Variants in OXSR1 observed in about 807,000 individuals in gnomAD.
The protein encoded by OXSR1 is oxidative stress responsive kinase 1.
In OXSR1, 24 loss-of-function variants were observed where a neutral mutation model predicts 79.8. That is an observed-to-expected ratio of 0.30 (90% CI 0.22 to 0.42). The LOEUF (loss-of-function observed/expected upper bound fraction) is 0.42, where lower values mean the gene tolerates loss of function less well. Ranked by LOEUF, OXSR1 falls within the 10% of genes least tolerant of loss-of-function variation. The pLI is 1.00. For missense variants in OXSR1, 430 were observed against 618.4 expected, an observed-to-expected ratio of 0.70 and a Z score of 3.23; for synonymous variants, 226 against 209.2, an observed-to-expected ratio of 1.08 and a Z score of -0.69.
intron 10 of OXSR1, among the ~76,000 whole-genome samples, chr3:38,233,927 A>G (rs1283952732): frequency 6.6e-6 from 1 of 152,178 alleles, no homozygotes; most frequent in Non-Finnish European, 1.5e-5. Context: ...AAAAAAAAAA[A>G]AGAGTTTACA....
rs775343417 is a variant in OXSR1 at position 38,165,544 on chromosome 3, GC to G, written c.-332del. On this transcript the variant is annotated 5_prime_UTR_variant, in exon 1 of 18. Transcript: ENST00000311806. ...AGGAAGAGGGGAAAGTTTGGCCCGT[GC>G]GTGGGGCTGGGGTGGAGGGCGGGAC... is the stretch of plus-strand genomic sequence containing the variant. The G allele has an allele frequency of 6.6e-6, 2 of 302,234 alleles. No individual in the cohort carries two copies. Among genetic ancestry groups the G allele is most frequent in the Non-Finnish European group, 1.2e-5 (2 of 160,878 alleles). 18.7% of individuals were successfully genotyped at this position (302,234 alleles called of 1,614,324 possible).
At chr3:38,239,068 C>G (rs959557368) in intron 11 of OXSR1, among the ~76,000 whole-genome samples, 2 of 152,244 alleles carry the variant, frequency 1.3e-5, no homozygotes, top group Middle Eastern at 6.8e-3. Context: ...CTAATCCCAT[C>G]CAGTTCCTGT....
intron 4 of OXSR1, among the ~76,000 whole-genome samples, chr3:38,204,308 G>A (rs1047542944): frequency 6.6e-6 from 1 of 152,102 alleles, no homozygotes; most frequent in Non-Finnish European, 1.5e-5. Flanking sequence ...GGGACCCCAA[G>A]CGCCTGCTTG....
intron 10 of OXSR1, 99 bp from the exon 11 acceptor site, chr3:38,236,740 C>A: frequency 9.3e-7 from 1 of 1,079,308 alleles, no homozygotes; most frequent in Non-Finnish European, 1.3e-6. Context: ...TGATTATCTA[C>A]TTAATGGATT....
chr3:38,167,473 A>G (rs1301707602), intron 1 of OXSR1, among the ~76,000 whole-genome samples: 1 of 152,250 alleles, frequency 6.6e-6, no homozygotes, highest in Non-Finnish European at 1.5e-5. Flanking sequence ...TAGTTTTATA[A>G]CAAAGACCAA....
At chr3:38,181,569 G>A (rs1401267096) in intron 1 of OXSR1, among the ~76,000 whole-genome samples, 1 of 151,984 alleles carries the variant, frequency 6.6e-6, no homozygotes, top group Non-Finnish European at 1.5e-5. Context: ...TGTTGGCCAA[G>A]ATGGTCGCGA....
intron 3 of OXSR1, among the ~76,000 whole-genome samples, chr3:38,192,225 C>G (rs1009994518): frequency 6.6e-6 from 1 of 152,106 alleles, no homozygotes; most frequent in Admixed American, 6.6e-5. Context: ...CAGGGGGAGC[C>G]CTTTTAAAGT....
intron 4 of OXSR1, among the ~76,000 whole-genome samples, chr3:38,209,768 C>T (rs1035248641): frequency 1.3e-4 from 20 of 151,878 alleles, no homozygotes; most frequent in East Asian, 5.8e-4. Flanking sequence ...GGACTACAGG[C>T]GCCTGCCACT....
intron 5 of OXSR1, among the ~76,000 whole-genome samples, chr3:38,219,106 TTA>T (rs1293049160): frequency 6.6e-6 from 1 of 152,188 alleles, no homozygotes; most frequent in East Asian, 1.9e-4. Flanking sequence ...GTTGGATTGA[TTA>T]TGTTTCCTTA....
intron 4 of OXSR1, among the ~76,000 whole-genome samples, chr3:38,201,849 G>A (rs1702171424): frequency 1.3e-5 from 2 of 152,166 alleles, no homozygotes; most frequent in Admixed American, 1.3e-4. Context: ...GGGCAACAGA[G>A]CAAGACTCTG....
chr3:38,252,181 C>G (rs1162091811), intron 16 of OXSR1, 147 bp from the exon 17 acceptor site: 3 of 661,328 alleles, frequency 4.5e-6, no homozygotes, highest in Non-Finnish European at 8.2e-6. Context: ...AAGACACTTT[C>G]ATTAGGGGAG....
In OXSR1 at chr3:38,165,966, AG is replaced by A; in HGVS notation, c.70+26del. Reference sequence around the variant, plus strand: ...TGATCGGTGAGAGCAGGCGCTGCGGAGGGGGGAGGCGCGGCGCTGGGAGGCG... The same window carrying A: ...TGATCGGTGAGAGCAGGCGCTGCGGAGGGGGAGGCGCGGCGCTGGGAGGCG... On this transcript the variant is annotated intron_variant, in intron 1 of 17. Transcript: ENST00000311806. 3.8e-6 allele frequency: 6 copies of A among 1,598,702 alleles called. No homozygotes were observed. Among genetic ancestry groups the A allele is most frequent in the Non-Finnish European group, 5.1e-6 (6 of 1,171,274 alleles).
chr3:38,236,689 T>G, intron 10 of OXSR1, 150 bp from the exon 11 acceptor site: 1 of 615,818 alleles, frequency 1.6e-6, no homozygotes, highest in Non-Finnish European at 2.7e-6. Context: ...CAGGTGATGG[T>G]TGGAGGATAT....
chr3:38,170,622 C>T (rs906047072), intron 1 of OXSR1, among the ~76,000 whole-genome samples: 1 of 152,174 alleles, frequency 6.6e-6, no homozygotes, highest in African/African-American at 2.4e-5. Flanking sequence ...AGAAAGGTAA[C>T]ATGACTGCTT....
At chr3:38,202,092 T>C (rs1032335845) in intron 4 of OXSR1, among the ~76,000 whole-genome samples, 1 of 152,134 alleles carries the variant, frequency 6.6e-6, no homozygotes, top group African/African-American at 2.4e-5. Flanking sequence ...AGTAGAGTAG[T>C]TGAATAGTTA....
chr3:38,166,624 C>T (rs111368537), intron 1 of OXSR1, among the ~76,000 whole-genome samples: 1 of 151,940 alleles, frequency 6.6e-6, no homozygotes, highest in Admixed American at 6.6e-5. Context: ...AACCCCGTCT[C>T]TACTAAAAAT....
chr3:38,243,990 G>A (rs1703086786), intron 12 of OXSR1, among the ~76,000 whole-genome samples: 1 of 152,164 alleles, frequency 6.6e-6, no homozygotes, highest in African/African-American at 2.4e-5. Flanking sequence ...TCCTGAGTGA[G>A]GATGATACCG....
intron 12 of OXSR1, among the ~76,000 whole-genome samples, chr3:38,245,106 T>C (rs1703113559): frequency 6.6e-6 from 1 of 152,190 alleles, no homozygotes; most frequent in African/African-American, 2.4e-5. Context: ...ATGAGTAATT[T>C]ATGACTTCTT....
At chr3:38,202,083 G>A (rs1702175877) in intron 4 of OXSR1, among the ~76,000 whole-genome samples, 1 of 151,952 alleles carries the variant, frequency 6.6e-6, no homozygotes. Context: ...AGTAGTCATA[G>A]TAGAGTAGTT....
Sources: gnomAD v4.1 joint callset for allele counts (sites outside exome capture counted in the v4.1 genomes callset) on GRCh38, gnomAD v4.1.1 for gene constraint, MANE v1.5 for transcripts, NCBI Gene and HGNC (gene_info 2026-07-23, HGNC 2026-07-21) for gene names.